PLEKHA6: variants seen among roughly 807,000 people sequenced by gnomAD.
The protein encoded by PLEKHA6 is pleckstrin homology domain-containing family A member 6.
PLEKHA6 carries 60 observed loss-of-function variants against 116.7 expected under a neutral mutation model. That is an observed-to-expected ratio of 0.51 (90% CI 0.42 to 0.64). The LOEUF (loss-of-function observed/expected upper bound fraction) is 0.64. PLEKHA6 is among the 30% of genes least tolerant of loss of function. PLEKHA6 has a pLI of 0.00. For missense variants in PLEKHA6, 1,338 were observed against 1,422.7 expected (o/e 0.94, Z 0.96); for synonymous variants, 489 against 556.1 (o/e 0.88, Z 1.70).
rs72749785 is a variant in PLEKHA6 at position 204,267,056 on chromosome 1, T to C, written c.280+419A>G. On this transcript the variant is annotated intron_variant, in intron 5 of 22. Transcript: ENST00000272203. ...ACCAACACTGACAAAAGTTCCTGCC[T>C]TCACAGATGGGACTGTGCATTCCAG... 7.2e-3 allele frequency among the ~76,000 whole-genome samples: 1,092 copies of C among 152,326 alleles called. 6 individuals carry two copies. The highest frequency in any genetic ancestry group is 0.012 in the Non-Finnish European group (794 of 68,022).
chr1:204,330,923 G>A (rs1205054395), intron 1 of PLEKHA6, among the ~76,000 whole-genome samples: 4 of 152,126 alleles, frequency 2.6e-5, no homozygotes, highest in East Asian at 3.9e-4. Flanking sequence ...GGCCAGGCAC[G>A]TTGGCTCACG....
upstream of PLEKHA6, among the ~76,000 whole-genome samples, chr1:204,360,383 G>GC (rs55977147): frequency 0.035 from 4,707 of 135,360 alleles, 123 homozygotes; most frequent in Admixed American, 0.084. Flanking sequence ...CCCATCCCCC[G>GC]CCCCCCCCCC....
upstream of PLEKHA6, among the ~76,000 whole-genome samples, chr1:204,364,833 G>C (rs1673620647): frequency 6.6e-6 from 1 of 152,198 alleles, no homozygotes; most frequent in Non-Finnish European, 1.5e-5. Flanking sequence ...CGAAACTCTA[G>C]GGGTAGGGCC....
At chr1:204,355,718 G>A (rs922127588) in intron 1 of PLEKHA6, among the ~76,000 whole-genome samples, 1 of 152,166 alleles carries the variant, frequency 6.6e-6, no homozygotes, top group Non-Finnish European at 1.5e-5. Context: ...GGGATTACAG[G>A]CATGAGCCAC....
chr1:204,253,845 A>AAAAAAAAC (rs1553253865), intron 9 of PLEKHA6, among the ~76,000 whole-genome samples: 3 of 147,612 alleles, frequency 2.0e-5, no homozygotes, highest in African/African-American at 7.5e-5. Flanking sequence ...AAAAAAAAAA[A>AAAAAAAAC]AAAAACAAAA....
At chr1:204,355,944 A>G (rs1673400475) in intron 1 of PLEKHA6, among the ~76,000 whole-genome samples, 1 of 152,048 alleles carries the variant, frequency 6.6e-6, no homozygotes, top group African/African-American at 2.4e-5. Flanking sequence ...ACCATGAAAA[A>G]GTTGTAATAC....
intron 5 of PLEKHA6, 63 bp from the exon 6 acceptor site, chr1:204,265,105 G>A: frequency 9.1e-7 from 1 of 1,098,348 alleles, no homozygotes. Context: ...GCGTGCGCCA[G>A]GGGTGGGGAG....
At chr1:204,268,659 T>C (rs553745665) in intron 3 of PLEKHA6, among the ~76,000 whole-genome samples, 1 of 148,918 alleles carries the variant, frequency 6.7e-6, no homozygotes, top group Non-Finnish European at 1.5e-5. Context: ...TCCTACTCCC[T>C]CTCTCTTCCA....
At chr1:204,234,879 C>T (rs1661723230) in intron 17 of PLEKHA6, among the ~76,000 whole-genome samples, 1 of 149,884 alleles carries the variant, frequency 6.7e-6, no homozygotes, top group South Asian at 2.2e-4. Context: ...GACTGGCTCT[C>T]CTTGCTCCTC....
chr1:204,375,212 C>T (rs1167800354), intron 1 of PLEKHA6, among the ~76,000 whole-genome samples: 1 of 152,060 alleles, frequency 6.6e-6, no homozygotes, highest in Non-Finnish European at 1.5e-5. Context: ...ACACGATGAC[C>T]CTTTTCCAGC....
chr1:204,373,235 T>A (rs556233514), intron 1 of PLEKHA6, among the ~76,000 whole-genome samples: 1 of 152,100 alleles, frequency 6.6e-6, no homozygotes, highest in African/African-American at 2.4e-5. Flanking sequence ...GTTACAGGCA[T>A]GCAACACCAC....
intron 1 of PLEKHA6, among the ~76,000 whole-genome samples, chr1:204,334,146 C>T (rs142490392): frequency 2.6e-5 from 4 of 152,294 alleles, no homozygotes; most frequent in Non-Finnish European, 5.9e-5. Flanking sequence ...AGATATGCTT[C>T]GGTCCAGGTG....
At chr1:204,275,385 T>C (rs1035293552) in intron 1 of PLEKHA6, among the ~76,000 whole-genome samples, 3 of 152,164 alleles carry the variant, frequency 2.0e-5, no homozygotes, top group Non-Finnish European at 4.4e-5. Flanking sequence ...CTAAGGGCTG[T>C]TTGATGTCAT....
In PLEKHA6 at chr1:204,249,232, C is replaced by T; in HGVS notation, c.1626G>A (p.Lys542=). ...CCAGCCGGTCCTGCTCCCTCACCAC[C>T]TTGTTCTGCTCACACAATTTTCCCA... ...KLLGKLCEQN[K]VVREQDRLVQ... The change falls in exon 11 of 23, where the codon AAG becomes AAA. Residue 542 remains lysine, a synonymous_variant. Transcript: ENST00000272203. 1.2e-6 allele frequency: 2 copies of T among 1,614,000 alleles called. No homozygotes were observed. Among genetic ancestry groups the T allele is most frequent in the East Asian group, 4.5e-5 (2 of 44,894 alleles).
intron 1 of PLEKHA6, among the ~76,000 whole-genome samples, chr1:204,282,224 C>T (rs112989028): frequency 0.036 from 5,456 of 152,224 alleles, 318 homozygotes; most frequent in African/African-American, 0.12. Context: ...GGTTCAAGCT[C>T]ATGTGTGTGC....
intron 1 of PLEKHA6, among the ~76,000 whole-genome samples, chr1:204,306,611 G>A (rs1374362044): frequency 6.6e-6 from 1 of 152,184 alleles, no homozygotes; most frequent in Non-Finnish European, 1.5e-5. Flanking sequence ...AATGCATAAG[G>A]ATCTCACCTT....
Position 204,268,316 on chromosome 1 carries a change from G to T in PLEKHA6, c.103-4C>A, listed in dbSNP as rs1405518147. On this transcript the variant is annotated splice_region_variant and splice_polypyrimidine_tract_variant and intron_variant, in intron 3 of 22. Transcript: ENST00000272203. Reference sequence around the variant, plus strand: ...CTTTGCGGGCTGTGCGAGTTGCCTGGGGGCAGAGAGAGAAGCTGATCTAGG... The same window carrying T: ...CTTTGCGGGCTGTGCGAGTTGCCTGTGGGCAGAGAGAGAAGCTGATCTAGG... The T allele has an allele frequency of 6.3e-7, 1 of 1,598,674 alleles. No individual in the cohort carries two copies. Among genetic ancestry groups the T allele is most frequent in the South Asian group, 1.1e-5 (1 of 89,326 alleles).
intron 1 of PLEKHA6, among the ~76,000 whole-genome samples, chr1:204,303,448 A>T (rs574693667): frequency 1.5e-3 from 221 of 152,318 alleles, no homozygotes; most frequent in African/African-American, 4.9e-3. Context: ...AAAGTGTCCT[A>T]GAATGAACCT....
chr1:204,233,380 A>G (rs1661493875), intron 17 of PLEKHA6, among the ~76,000 whole-genome samples: 1 of 140,956 alleles, frequency 7.1e-6, no homozygotes, highest in South Asian at 2.2e-4. Flanking sequence ...TCACTCTGTC[A>G]CCCAGGCTGG....
Sources: gnomAD v4.1 joint callset for allele counts (sites outside exome capture counted in the v4.1 genomes callset) on GRCh38, gnomAD v4.1.1 for gene constraint, MANE v1.5 for transcripts, NCBI Gene and HGNC (gene_info 2026-07-23, HGNC 2026-07-21) for gene names.